The following F11 variants were observed in gnomAD, a reference collection of about 807,000 sequenced individuals.
F11 encodes the protein coagulation factor XI, also known as coagualtion factor XI.
Under a neutral mutation model 76.5 loss-of-function variants are expected in F11, and 78 were observed. The observed-to-expected ratio is 1.02, with a 90% CI of 0.85 to 1.23. The LOEUF is 1.23. Among genes scored for constraint, F11 ranks in the 50% most tolerant of loss-of-function variants. The pLI is 0.00. For synonymous variants in F11, 278 were observed against 276.3 expected, an observed-to-expected ratio of 1.01 and a Z score of -0.06; for missense variants, 742 against 771.4, an observed-to-expected ratio of 0.96 and a Z score of 0.45.
At position 186,280,203 on chromosome 4, in the gene F11, A is replaced by T; in HGVS notation, c.866-20A>T. The T allele has an allele frequency of 6.2e-7, 1 of 1,614,162 alleles. No individual in the cohort carries two copies. ...CATGCTGAGGGAGGGTCTCACTCTGACATGTGGTCTGCTGTCTAGTGTTCT... is the reference window on the plus strand; with the variant it reads ...CATGCTGAGGGAGGGTCTCACTCTGTCATGTGGTCTGCTGTCTAGTGTTCT... On this transcript the variant is annotated intron_variant, in intron 8 of 14. Transcript: ENST00000403665.
chr4:186,288,946 C>A lies in F11; in HGVS notation c.*332C>A. On this transcript the variant is annotated 3_prime_UTR_variant, in exon 15 of 15. Transcript: ENST00000403665. ...CCAAGTAGTGGCAGTGGGGATCAGGCAGAAGAACTGGTAAAAGAAGCCACC... is the reference window on the plus strand; with the variant it reads ...CCAAGTAGTGGCAGTGGGGATCAGGAAGAAGAACTGGTAAAAGAAGCCACC... The A allele has an allele frequency of 3.0e-6, 1 of 333,266 alleles. No homozygotes were observed. The highest frequency in any genetic ancestry group is 5.8e-6 in the Non-Finnish European group (1 of 172,122). The allele number at this position is 333,266 out of a possible 1,614,324, so 20.6% of individuals were successfully genotyped here.
chr4:186,281,549 T>C (rs72710593), intron 10 of F11, among the ~76,000 whole-genome samples: 3,142 of 152,300 alleles, frequency 0.021, 57 homozygotes, highest in Non-Finnish European at 0.03. Flanking sequence ...AGAGATGCTT[T>C]GTAGGCAAAC....
intron 3 of F11, among the ~76,000 whole-genome samples, chr4:186,272,147 A>T (rs1227784009): frequency 6.6e-6 from 1 of 152,172 alleles, no homozygotes; most frequent in East Asian, 1.9e-4. Flanking sequence ...TAAAATATTT[A>T]AAAAGAAAAT....
At chr4:186,269,995 A>G (rs978919824) in intron 2 of F11, among the ~76,000 whole-genome samples, 7 of 152,212 alleles carry the variant, frequency 4.6e-5, no homozygotes, top group Non-Finnish European at 1.0e-4. Flanking sequence ...TGAGAATAGG[A>G]CAAGAATACT....
At chr4:186,286,749 A>T (rs1741236192) in intron 13 of F11, 1 of 973,226 alleles carries the variant, frequency 1.0e-6, no homozygotes, top group Admixed American at 6.2e-5. Flanking sequence ...ATGAAGTTTA[A>T]TGTGAAGCCT....
intron 10 of F11, chr4:186,281,899 C>T (rs2126764951): frequency 3.2e-6 from 4 of 1,245,670 alleles, no homozygotes; most frequent in Non-Finnish European, 4.2e-6. Flanking sequence ...TTGCCTCCAA[C>T]ACTGGTATCC....
chr4:186,282,405 C>A lies in F11; in HGVS notation c.1136-1687C>A, dbSNP rs1740871367. On this transcript the variant is annotated intron_variant, in intron 10 of 14. Coordinates refer to ENST00000403665, the MANE Select transcript of F11 (RefSeq NM_000128.4). ...TACTGCGCTGTATTTGATGAAATAACCCCCTAATGTGAAAGGGAATAGCTG... is the reference window on the plus strand; with the variant it reads ...TACTGCGCTGTATTTGATGAAATAAACCCCTAATGTGAAAGGGAATAGCTG... The A allele has an allele frequency of 5.1e-6, 5 of 985,258 alleles. No homozygotes were observed. In the South Asian group the frequency reaches 1.9e-4, roughly 37 times the overall value. 61.0% of individuals were successfully genotyped at this position (985,258 alleles called of 1,614,324 possible).
chr4:186,283,800 C>T (rs1740972387), intron 10 of F11, among the ~76,000 whole-genome samples: 1 of 152,178 alleles, frequency 6.6e-6, no homozygotes, highest in South Asian at 2.1e-4. Context: ...ACTTGACAAC[C>T]ACTGGTTTAA....
rs560941364 is a variant in F11 at position 186,276,167 on chromosome 4, T to C, written c.596-64T>C. The C allele has an allele frequency of 9.7e-5, 155 of 1,597,050 alleles. 1 individual carries two copies. Among genetic ancestry groups the C allele is most frequent in the Admixed American group, 2.8e-4 (17 of 59,788 alleles). ...TTTTTAATATGGAATTTACACATACTGTGACCGGAATTTTCCTGATAGCTG... is the reference window on the plus strand; with the variant it reads ...TTTTTAATATGGAATTTACACATACCGTGACCGGAATTTTCCTGATAGCTG... On this transcript the variant is annotated intron_variant, in intron 6 of 14. Coordinates refer to ENST00000403665, the MANE Select transcript of F11 (RefSeq NM_000128.4).
intron 10 of F11, chr4:186,282,169 C>G: frequency 8.9e-7 from 1 of 1,124,334 alleles, no homozygotes; most frequent in Non-Finnish European, 1.1e-6. Context: ...GGAATGAGCA[C>G]GTATACCTCA....
chr4:186,285,525 T>C, intron 11 of F11, 113 bp from the exon 12 acceptor site: 1 of 1,098,268 alleles, frequency 9.1e-7, no homozygotes. Flanking sequence ...TCTACCTAAA[T>C]GTCCATCATT....
At chr4:186,290,623 T>C (rs1433860758), downstream of F11, 8 of 152,240 alleles carry the variant, frequency 5.3e-5, no homozygotes, top group Admixed American at 5.2e-4. Flanking sequence ...GTCTTAATTT[T>C]TGAAGAGCTG....
chr4:186,278,653 A>G (rs1374391953), intron 7 of F11, among the ~76,000 whole-genome samples: 3 of 152,170 alleles, frequency 2.0e-5, no homozygotes, highest in Non-Finnish European at 4.4e-5. Flanking sequence ...TGTCAATGAC[A>G]GAATGTGGAG....
At chr4:186,288,278 A>T in intron 14 of F11, 175 bp from the exon 15 acceptor site, 1 of 762,898 alleles carries the variant, frequency 1.3e-6, no homozygotes, top group Non-Finnish European at 2.3e-6. Flanking sequence ...TGTTTGACTT[A>T]GACTGAAATC....
intron 4 of F11, among the ~76,000 whole-genome samples, chr4:186,273,531 C>T (rs4253409): frequency 0.28 from 43,287 of 151,964 alleles, 6,787 homozygotes; most frequent in Middle Eastern, 0.4. Context: ...CAGCTCACTC[C>T]AGCCTCAACC....
At chr4:186,267,466 AAAG>A (rs1739591447) in intron 2 of F11, among the ~76,000 whole-genome samples, 1 of 152,240 alleles carries the variant, frequency 6.6e-6, no homozygotes, top group Non-Finnish European at 1.5e-5. Context: ...GCAATATTAA[AAAG>A]AAGAAATCTT....
At chr4:186,274,046 G>T (rs1486989520) in intron 4 of F11, 70 bp from the exon 5 acceptor site, 16 of 1,559,858 alleles carry the variant, frequency 1.0e-5, no homozygotes, top group Non-Finnish European at 1.2e-5. Context: ...GATGAGTCAG[G>T]AGGGACAGTT....
intron 7 of F11, among the ~76,000 whole-genome samples, chr4:186,278,245 A>T (rs190133999): frequency 4.6e-5 from 7 of 152,254 alleles, no homozygotes; most frequent in African/African-American, 7.2e-5. Context: ...TGTTGATGAA[A>T]AGTTGTCCTC....
In F11 at chr4:186,276,369, A is replaced by T. The variant is rs995963085; in HGVS notation, c.734A>T (p.Glu245Val). The T allele has an allele frequency of 6.2e-7, 1 of 1,614,098 alleles. No homozygotes were observed. The highest frequency in any genetic ancestry group is 1.1e-5 in the South Asian group (1 of 91,076). ...GCLFFTFFSQEWPKESQRNLC... is the reference protein window; with the variant it reads ...GCLFFTFFSQVWPKESQRNLC... ...TTGTTTTTTACCTTCTTTTCCCAGG[A>T]ATGGCCCAAAGAATCTCAAAGGTAA... The change falls in exon 7 of 15, where the codon GAA becomes GTA. Residue 245 changes from glutamate to valine, a missense_variant. By Grantham distance (121) the Glu-to-Val change is moderately radical. Transcript: ENST00000403665.
Sources: allele counts gnomAD v4.1 joint callset (sites outside exome capture counted in the v4.1 genomes callset), GRCh38; gene constraint gnomAD v4.1.1; transcripts MANE v1.5; gene names NCBI Gene and HGNC (gene_info 2026-07-23, HGNC 2026-07-21).